E2F3: variants seen among roughly 807,000 people sequenced by gnomAD.
The protein encoded by E2F3 is transcription factor E2F3.
E2F3 carries 11 observed loss-of-function variants against 44.4 expected under a neutral mutation model. The observed-to-expected ratio is 0.25, with a 90% CI of 0.16 to 0.41. The LOEUF is 0.41. Ranked by LOEUF, E2F3 falls within the 10% of genes least tolerant of loss-of-function variation. The pLI is 1.00. For missense variants in E2F3, 487 were observed against 583.6 expected (o/e 0.83, Z 1.70); for synonymous variants, 249 against 253.0 (o/e 0.98, Z 0.15).
chr6:20,405,432 C>G (rs973732838), intron 1 of E2F3, among the ~76,000 whole-genome samples: 25 of 150,622 alleles, frequency 1.7e-4, no homozygotes, highest in Admixed American at 6.6e-5. Flanking sequence ...CTGCAACCTC[C>G]GCCTCCCGAG....
intron 5 of E2F3, among the ~76,000 whole-genome samples, 154 bp from the exon 6 acceptor site, chr6:20,487,959 T>C (rs1762443206): frequency 2.0e-5 from 3 of 152,234 alleles, no homozygotes; most frequent in Non-Finnish European, 4.4e-5. Context: ...ACCCCTGCTC[T>C]AGAGGATGAC....
intron 1 of E2F3, among the ~76,000 whole-genome samples, chr6:20,439,728 C>T (rs1406982563): frequency 6.6e-6 from 1 of 152,114 alleles, no homozygotes; most frequent in African/African-American, 2.4e-5. Context: ...AGAGGGGTCT[C>T]ACTATGTTGC....
chr6:20,462,372 T>G (rs1235186709), intron 1 of E2F3, among the ~76,000 whole-genome samples: 1 of 152,202 alleles, frequency 6.6e-6, no homozygotes, highest in Non-Finnish European at 1.5e-5. Flanking sequence ...GACATCTTCA[T>G]GTATGTGTGG....
chr6:20,447,635 T>C (rs1035033420), intron 1 of E2F3, among the ~76,000 whole-genome samples: 1 of 152,128 alleles, frequency 6.6e-6, no homozygotes, highest in Non-Finnish European at 1.5e-5. Flanking sequence ...TTATGTCGTC[T>C]GGTGCAGAGA....
intron 1 of E2F3, among the ~76,000 whole-genome samples, chr6:20,452,118 T>G (rs567826226): frequency 6.6e-6 from 1 of 152,236 alleles, no homozygotes; most frequent in South Asian, 2.1e-4. Flanking sequence ...CTAGTTACAG[T>G]GGGAATGGTA....
At chr6:20,451,786 T>G (rs1198881375) in intron 1 of E2F3, among the ~76,000 whole-genome samples, 5 of 152,240 alleles carry the variant, frequency 3.3e-5, no homozygotes, top group Admixed American at 2.6e-4. Context: ...TTGAATTTTA[T>G]TGAAAGCCTT....
At position 20,448,464 on chromosome 6, in the gene E2F3, TAC is replaced by T. The variant is rs376381617; in HGVS notation, c.394-31364_394-31363del. On this transcript the variant is annotated intron_variant, in intron 1 of 6. Transcript: ENST00000346618. ...TGCTTGCCTTTAATATGTATATGTA[TAC>T]ACACACACACACACACAGCAGTTAG... Among the ~76,000 whole-genome samples the T allele has an allele frequency of 6.7e-4, 101 of 150,492 alleles. 1 individual carries two copies. The East Asian group carries it at 0.016, about 24-fold the overall frequency.
Position 20,488,148 on chromosome 6 carries a change from C to T in E2F3, c.1035C>T (p.Pro345=), listed in dbSNP as rs200445317. ...LQIHLASTQG[P]IEVYLCPEET... ...TACATTTGGCAAGTACCCAAGGGCC[C>T]ATTGAGGTTTACTTATGTCCAGAAG... Residue 345 remains proline, a synonymous_variant, in exon 6 of 7, where the codon CCC becomes CCT. Transcript: ENST00000346618. 1 of 1,614,146 alleles carries T rather than the reference C, an allele frequency of 6.2e-7. No homozygotes were observed. Among genetic ancestry groups the T allele is most frequent in the Non-Finnish European group, 8.5e-7 (1 of 1,180,032 alleles).
chr6:20,458,593 C>T lies in E2F3; in HGVS notation c.394-21253C>T, dbSNP rs369587007. Among the ~76,000 whole-genome samples the T allele has an allele frequency of 1.6e-4, 24 of 152,216 alleles. 1 individual carries two copies. Among genetic ancestry groups the T allele is most frequent in the African/African-American group, 5.5e-4 (23 of 41,512 alleles). ...ACTGAATTCTCTTCTTAGAGCCAAC[C>T]CATATCTTATCAGTGTAACTTTACT... On this transcript the variant is annotated intron_variant, in intron 1 of 6. Coordinates refer to ENST00000346618, the MANE Select transcript of E2F3 (RefSeq NM_001949.5).
At chr6:20,445,016 A>G (rs1415269156) in intron 1 of E2F3, 1 of 937,200 alleles carries the variant, frequency 1.1e-6, no homozygotes, top group African/African-American at 1.8e-5. Context: ...TTTGAACTGA[A>G]CTGCATTGGC....
At chr6:20,416,113 T>G (rs764687250) in intron 1 of E2F3, among the ~76,000 whole-genome samples, 1 of 152,204 alleles carries the variant, frequency 6.6e-6, no homozygotes, top group South Asian at 2.1e-4. Flanking sequence ...TGTAAAGTGC[T>G]GGCTCCGTCC....
rs368200575 is a variant in E2F3, at chr6:20,444,218, C to T, written c.394-35628C>T. Among the ~76,000 whole-genome samples, 16 of 152,306 alleles carry T rather than the reference C, an allele frequency of 1.1e-4. No individual in the cohort carries two copies. The South Asian group carries it at 3.3e-3, about 32-fold the overall frequency. On this transcript the variant is annotated intron_variant, in intron 1 of 6. Transcript: ENST00000346618. ...AATAAATATAAAATAATAGAATGCT[C>T]TTCCCAGCTAGATTGTAAGGTTTTT...
chr6:20,418,875 A>C (rs1159825400), intron 1 of E2F3, among the ~76,000 whole-genome samples: 2 of 151,548 alleles, frequency 1.3e-5, no homozygotes, highest in Non-Finnish European at 2.9e-5. Flanking sequence ...TGTTTTTAGT[A>C]CCTGCTTATT....
At chr6:20,410,365 T>C (rs1759631847) in intron 1 of E2F3, among the ~76,000 whole-genome samples, 1 of 152,230 alleles carries the variant, frequency 6.6e-6, no homozygotes, top group Admixed American at 6.5e-5. Context: ...TGTGTTCTTG[T>C]TCTGGCTCTG....
chr6:20,465,863 G>A (rs1329778517), intron 1 of E2F3, among the ~76,000 whole-genome samples: 1 of 152,106 alleles, frequency 6.6e-6, no homozygotes, highest in Non-Finnish European at 1.5e-5. Context: ...GGGCATTTGG[G>A]TTGGTTCCAA....
intron 1 of E2F3, among the ~76,000 whole-genome samples, chr6:20,478,405 G>A (rs946803525): frequency 2.6e-5 from 4 of 152,348 alleles, no homozygotes; most frequent in East Asian, 1.9e-4. Flanking sequence ...AGTGGCTATC[G>A]TAGTAGACGG....
intron 5 of E2F3, among the ~76,000 whole-genome samples, chr6:20,487,545 T>C (rs1341593919): frequency 6.6e-6 from 1 of 152,090 alleles, no homozygotes; most frequent in Non-Finnish European, 1.5e-5. Flanking sequence ...AGTCCTACCA[T>C]AAAGGAACAA....
intron 1 of E2F3, among the ~76,000 whole-genome samples, chr6:20,443,701 G>A (rs1167289728): frequency 1.3e-5 from 2 of 152,066 alleles, no homozygotes; most frequent in South Asian, 2.1e-4. Flanking sequence ...TTTTAAGCTG[G>A]TATTCCCATT....
chr6:20,437,821 CAG>C (rs1345367125), intron 1 of E2F3: 1 of 152,182 alleles, frequency 6.6e-6, no homozygotes, highest in African/African-American at 2.4e-5. Flanking sequence ...GGTTAGGAAG[CAG>C]AGTCCAAGAG....
Sources: gnomAD v4.1 joint callset for allele counts (sites outside exome capture counted in the v4.1 genomes callset) on GRCh38, gnomAD v4.1.1 for gene constraint, MANE v1.5 for transcripts, NCBI Gene and HGNC (gene_info 2026-07-23, HGNC 2026-07-21) for gene names.